Variants in SORCS2 observed in about 807,000 individuals in gnomAD.
SORCS2 encodes VPS10 domain-containing receptor SorCS2.
A neutral mutation model predicts 141.6 loss-of-function variants in SORCS2; 100 were observed. That is an observed-to-expected ratio of 0.71 (90% CI 0.60 to 0.83). SORCS2 has a LOEUF of 0.83. Among genes scored for constraint, SORCS2 ranks in the 40% least tolerant of loss-of-function variants. The probability of loss-of-function intolerance (pLI) is 0.00; values close to 1 mark genes in which losing one functional copy is unlikely to be tolerated. For missense variants in SORCS2, 1,646 were observed against 1,560.2 expected, an observed-to-expected ratio of 1.05 and a Z score of -0.93; for synonymous variants, 789 against 676.9, an observed-to-expected ratio of 1.17 and a Z score of -2.57.
intron 8 of SORCS2, among the ~76,000 whole-genome samples, chr4:7,675,007 G>T (rs559772616): frequency 2.5e-4 from 38 of 152,310 alleles, no homozygotes; most frequent in African/African-American, 9.1e-4. Context: ...TGAAGCTCCA[G>T]AGTGAGAGAA....
At chr4:7,264,113 G>A (rs1401969669) in intron 1 of SORCS2, among the ~76,000 whole-genome samples, 4 of 152,198 alleles carry the variant, frequency 2.6e-5, no homozygotes, top group Admixed American at 2.6e-4. Context: ...GGGTCACTGC[G>A]CTGAGGTTAC....
intron 2 of SORCS2, among the ~76,000 whole-genome samples, chr4:7,485,192 T>G (rs1730900962): frequency 6.6e-6 from 1 of 152,226 alleles, no homozygotes; most frequent in Non-Finnish European, 1.5e-5. Flanking sequence ...CTGGGGCTCC[T>G]GCAGCCTTCG....
At chr4:7,716,331 T>C (rs921702422) in intron 17 of SORCS2, among the ~76,000 whole-genome samples, 1 of 152,208 alleles carries the variant, frequency 6.6e-6, no homozygotes, top group Non-Finnish European at 1.5e-5. Context: ...CACCCATCCA[T>C]GCAATCACTC....
chr4:7,556,358 TAGC>T (rs1714105376), intron 3 of SORCS2, among the ~76,000 whole-genome samples: 1 of 152,024 alleles, frequency 6.6e-6, no homozygotes, highest in Non-Finnish European at 1.5e-5. Context: ...TTTGGTATAT[TAGC>T]AAAGAGCTCC....
At chr4:7,669,787 G>A (rs1254817924) in intron 8 of SORCS2, among the ~76,000 whole-genome samples, 3 of 152,138 alleles carry the variant, frequency 2.0e-5, no homozygotes, top group African/African-American at 7.2e-5. Flanking sequence ...TATGCAAAAG[G>A]GCTTTTACGT....
chr4:7,394,596 G>C (rs1577494714), intron 1 of SORCS2, among the ~76,000 whole-genome samples: 1 of 152,122 alleles, frequency 6.6e-6, no homozygotes, highest in South Asian at 2.1e-4. Context: ...TTAGAATGAG[G>C]GGGTGGACTG....
chr4:7,226,475 G>A (rs371885006), intron 1 of SORCS2, among the ~76,000 whole-genome samples: 4 of 152,144 alleles, frequency 2.6e-5, no homozygotes, highest in Admixed American at 6.5e-5. Flanking sequence ...AAGTCCAGAC[G>A]TCTGTGACGG....
chr4:7,548,501 G>T (rs899144746), intron 3 of SORCS2, among the ~76,000 whole-genome samples: 3 of 152,160 alleles, frequency 2.0e-5, no homozygotes, highest in Admixed American at 1.3e-4. Flanking sequence ...ATGTCAGGGG[G>T]GTTGGTGGCA....
At chr4:7,710,820 T>C (rs1725785497) in intron 14 of SORCS2, among the ~76,000 whole-genome samples, 1 of 152,230 alleles carries the variant, frequency 6.6e-6, no homozygotes, top group Non-Finnish European at 1.5e-5. Context: ...TCCCCTGTCC[T>C]TGGTGGGTGT....
chr4:7,411,637 T>G (rs984764474), intron 2 of SORCS2, among the ~76,000 whole-genome samples: 1 of 152,114 alleles, frequency 6.6e-6, no homozygotes, highest in Non-Finnish European at 1.5e-5. Context: ...CCTACCTGCC[T>G]TTCCTCCCTC....
intron 22 of SORCS2, among the ~76,000 whole-genome samples, chr4:7,728,918 C>T (rs1727412919): frequency 6.6e-6 from 1 of 152,222 alleles, no homozygotes; most frequent in South Asian, 2.1e-4. Context: ...ACCCAAGGCC[C>T]TTGGCCCCCA....
At chr4:7,387,696 ACACG>A (rs1298974876) in intron 1 of SORCS2, among the ~76,000 whole-genome samples, 1 of 137,926 alleles carries the variant, frequency 7.3e-6, no homozygotes, top group African/African-American at 3.3e-5. Flanking sequence ...ACAGAGATAC[ACACG>A]CACATGCACA....
chr4:7,249,265 G>A (rs1041273728), intron 1 of SORCS2, among the ~76,000 whole-genome samples: 1 of 152,204 alleles, frequency 6.6e-6, no homozygotes, highest in Non-Finnish European at 1.5e-5. Flanking sequence ...GGCTGGAAGA[G>A]CTTGGGACTG....
chr4:7,218,266 T>C (rs1016190431), intron 1 of SORCS2, among the ~76,000 whole-genome samples: 2 of 152,186 alleles, frequency 1.3e-5, no homozygotes, highest in African/African-American at 4.8e-5. Flanking sequence ...AGTTGTCACC[T>C]CCTATTTGTG....
chr4:7,343,059 C>T (rs116557121), intron 1 of SORCS2, among the ~76,000 whole-genome samples: 40 of 152,290 alleles, frequency 2.6e-4, no homozygotes, highest in African/African-American at 7.5e-4. Flanking sequence ...ACGTAGTCCC[C>T]GACCCTGTGG....
intron 1 of SORCS2, among the ~76,000 whole-genome samples, chr4:7,285,173 C>T (rs541654108): frequency 1.3e-5 from 2 of 152,220 alleles, no homozygotes; most frequent in African/African-American, 2.4e-5. Flanking sequence ...GCTGGAATTA[C>T]AGGTGCCTGC....
At chr4:7,523,693 C>T (rs1733482385) in intron 2 of SORCS2, among the ~76,000 whole-genome samples, 1 of 152,184 alleles carries the variant, frequency 6.6e-6, no homozygotes. Flanking sequence ...CCTCAGTGTC[C>T]CTGCCCACAG....
intron 1 of SORCS2, among the ~76,000 whole-genome samples, chr4:7,262,367 TATCCATCTATCC>T (rs1300368658): frequency 1.8e-3 from 231 of 126,820 alleles, no homozygotes; most frequent in Non-Finnish European, 3.2e-3. Flanking sequence ...TCCACCCACC[TATCCATCTATCC>T]ATCCATCCAT....
rs567904449 is a variant in SORCS2, at chr4:7,686,364, C to T, written c.1489-3122C>T. Reference sequence around the variant, plus strand: ...TCCAGGTGGCTGGTGCTGCATCTCCCGGCCCTGGTCCATCTGGTAGGCTTT... The same window carrying T: ...TCCAGGTGGCTGGTGCTGCATCTCCTGGCCCTGGTCCATCTGGTAGGCTTT... On this transcript the variant is annotated intron_variant, in intron 10 of 26. Transcript: ENST00000507866. Among the ~76,000 whole-genome samples, 7 of 152,306 alleles carry T rather than the reference C, an allele frequency of 4.6e-5. No homozygotes were observed. In the South Asian group the frequency reaches 6.2e-4, roughly 14 times the overall value.
Sources: gnomAD v4.1 joint callset for allele counts (sites outside exome capture counted in the v4.1 genomes callset) on GRCh38, gnomAD v4.1.1 for gene constraint, MANE v1.5 for transcripts, NCBI Gene and HGNC (gene_info 2026-07-23, HGNC 2026-07-21) for gene names.